The following GRID2 variants were observed in gnomAD, a reference collection of about 807,000 sequenced individuals.
GRID2 encodes the protein glutamate receptor ionotropic, delta-2.
A neutral mutation model predicts 114.8 loss-of-function variants in GRID2; 33 were observed. The ratio of observed to expected loss-of-function variants is 0.29; its 90% CI spans 0.22 to 0.38. The LOEUF (loss-of-function observed/expected upper bound fraction) is 0.38, where lower values mean the gene tolerates loss of function less well. Among genes scored for constraint, GRID2 ranks in the 10% least tolerant of loss-of-function variants. GRID2 has a pLI of 1.00. For missense variants in GRID2, 1,184 were observed against 1,257.7 expected (o/e 0.94, Z 0.89); for synonymous variants, 505 against 449.9 (o/e 1.12, Z -1.55).
intron 14 of GRID2, among the ~76,000 whole-genome samples, chr4:93,718,803 A>G (rs1729118408): frequency 6.6e-6 from 1 of 152,138 alleles, no homozygotes; most frequent in Non-Finnish European, 1.5e-5. Context: ...GCTGATAATA[A>G]CTAGTTGTAA....
chr4:93,072,691 A>G (rs1465921916), intron 2 of GRID2, among the ~76,000 whole-genome samples: 1 of 152,140 alleles, frequency 6.6e-6, no homozygotes, highest in Non-Finnish European at 1.5e-5. Flanking sequence ...GGTATAGCCT[A>G]GAAATATTTT....
chr4:92,864,669 C>CATAG (rs1329152590), intron 2 of GRID2, among the ~76,000 whole-genome samples: 1 of 152,144 alleles, frequency 6.6e-6, no homozygotes, highest in African/African-American at 2.4e-5. Context: ...TCCATTGATA[C>CATAG]ATAGATACTA....
At position 92,982,022 on chromosome 4, in the gene GRID2, T is replaced by TAAAAAAAAAAAAA. The variant is rs1161216679; in HGVS notation, c.245-102962_245-102950dup. ...GTATCTTCACAGTCTAAAGTACTGG[T>TAAAAAAAAAAAAA]AAAAAAAAAAAAAAAAAAAAAAAGA... On this transcript the variant is annotated intron_variant, in intron 2 of 15. Transcript: ENST00000282020. Among the ~76,000 whole-genome samples, 247 of 79,614 alleles carry TAAAAAAAAAAAAA rather than the reference T, an allele frequency of 3.1e-3. 1 individual carries two copies. Among genetic ancestry groups the TAAAAAAAAAAAAA allele is most frequent in the Non-Finnish European group, 4.4e-3 (170 of 39,034 alleles). The allele number at this position is 79,614 out of a possible 152,430, so 52.2% of individuals were successfully genotyped here. A position where few individuals can be genotyped will look rare whatever the true frequency, so the allele number is the denominator to read the frequency against.
chr4:93,420,277 G>A (rs562011517), intron 9 of GRID2, among the ~76,000 whole-genome samples: 5 of 152,204 alleles, frequency 3.3e-5, no homozygotes, highest in Non-Finnish European at 5.9e-5. Context: ...AGAACTTTAT[G>A]ATCTTATTTA....
chr4:92,602,219 AAAAG>A (rs949053492), intron 2 of GRID2, among the ~76,000 whole-genome samples: 7 of 150,940 alleles, frequency 4.6e-5, no homozygotes, highest in African/African-American at 1.2e-4. Context: ...AAAAAAAAAG[AAAAG>A]AAAAGAAAAA....
intron 13 of GRID2, among the ~76,000 whole-genome samples, chr4:93,528,409 G>C (rs1386590976): frequency 1.3e-5 from 2 of 149,424 alleles, no homozygotes; most frequent in Admixed American, 6.7e-5. Context: ...ATGCACAAGA[G>C]TTCCATTTTT....
chr4:93,716,680 T>G (rs1366446225), intron 14 of GRID2, among the ~76,000 whole-genome samples: 1 of 152,128 alleles, frequency 6.6e-6, no homozygotes, highest in South Asian at 2.1e-4. Flanking sequence ...AGTATACATA[T>G]GATATACCTT....
At chr4:92,368,246 C>A (rs1728964011) in intron 1 of GRID2, among the ~76,000 whole-genome samples, 1 of 151,942 alleles carries the variant, frequency 6.6e-6, no homozygotes, top group African/African-American at 2.4e-5. Context: ...CAGTCTAGAG[C>A]TGTATTCCTA....
At chr4:93,706,309 T>C (rs780705319) in intron 14 of GRID2, among the ~76,000 whole-genome samples, 63 of 152,242 alleles carry the variant, frequency 4.1e-4, no homozygotes, top group Non-Finnish European at 8.4e-4. Context: ...TTCCAATTCA[T>C]GAACATGAAA....
intron 13 of GRID2, among the ~76,000 whole-genome samples, chr4:93,591,267 A>C (rs867009621): frequency 1.3e-5 from 2 of 149,892 alleles, no homozygotes; most frequent in Non-Finnish European, 3.0e-5. Flanking sequence ...TAGCATGAAA[A>C]GTTGTTGAAT....
At chr4:93,169,232 T>A (rs1738564950) in intron 4 of GRID2, among the ~76,000 whole-genome samples, 1 of 151,956 alleles carries the variant, frequency 6.6e-6, no homozygotes, top group South Asian at 2.1e-4. Flanking sequence ...ATTTATTGCC[T>A]ATTTTTGAGC....
At chr4:92,856,348 G>A (rs971043303) in intron 2 of GRID2, among the ~76,000 whole-genome samples, 4 of 151,646 alleles carry the variant, frequency 2.6e-5, no homozygotes, top group Non-Finnish European at 5.9e-5. Flanking sequence ...CAGTCCCTTC[G>A]CTCCTTACCA....
intron 4 of GRID2, among the ~76,000 whole-genome samples, chr4:93,116,804 G>A (rs768853267): frequency 7.9e-5 from 12 of 151,880 alleles, no homozygotes; most frequent in Non-Finnish European, 2.9e-5. Context: ...CTGTGTAGAG[G>A]CAAGAGTTAT....
chr4:93,175,452 T>C (rs530372159), intron 4 of GRID2, among the ~76,000 whole-genome samples: 96 of 152,198 alleles, frequency 6.3e-4, no homozygotes, highest in Non-Finnish European at 1.1e-3. Context: ...ATTACAGGCG[T>C]GGGCCACCGC....
intron 2 of GRID2, among the ~76,000 whole-genome samples, chr4:92,643,754 C>T (rs1731477334): frequency 6.6e-6 from 1 of 151,540 alleles, no homozygotes; most frequent in African/African-American, 2.4e-5. Context: ...GCCTCTGCAC[C>T]TGGCCAAATT....
intron 1 of GRID2, among the ~76,000 whole-genome samples, chr4:93,804,953 A>C (rs767402952): frequency 6.6e-6 from 1 of 152,200 alleles, no homozygotes; most frequent in Non-Finnish European, 1.5e-5. Flanking sequence ...AATATGGTAG[A>C]TGTATCTCCC....
chr4:92,336,698 C>T (rs144545477), intron 1 of GRID2, among the ~76,000 whole-genome samples: 36 of 152,234 alleles, frequency 2.4e-4, no homozygotes, highest in South Asian at 6.2e-4. Context: ...AAACAGTAAA[C>T]GTTTTACATG....
At chr4:93,618,338 G>A (rs1741901712) in intron 13 of GRID2, among the ~76,000 whole-genome samples, 1 of 152,124 alleles carries the variant, frequency 6.6e-6, no homozygotes, top group Non-Finnish European at 1.5e-5. Context: ...CTTTCCGACT[G>A]TGGAACTCAC....
intron 2 of GRID2, among the ~76,000 whole-genome samples, chr4:93,055,665 A>C (rs1397173489): frequency 6.6e-6 from 1 of 152,010 alleles, no homozygotes; most frequent in Non-Finnish European, 1.5e-5. Context: ...GAAAGCCTTG[A>C]ATAATTCACT....
Sources: allele counts gnomAD v4.1 joint callset (sites outside exome capture counted in the v4.1 genomes callset), GRCh38; gene constraint gnomAD v4.1.1; transcripts MANE v1.5; gene names NCBI Gene and HGNC (gene_info 2026-07-23, HGNC 2026-07-21).